Variants in ZNF362 observed in about 807,000 individuals in gnomAD.
ZNF362 encodes the protein zinc finger protein 362, also known as rotund homolog.
Under a neutral mutation model 42.9 loss-of-function variants are expected in ZNF362, and 11 were observed. The observed-to-expected ratio is 0.26, with a 90% confidence interval of 0.16 to 0.42. ZNF362 has a LOEUF of 0.42. ZNF362 is among the 20% of genes least tolerant of loss of function. The pLI is 1.00. For synonymous variants in ZNF362, 255 were observed against 257.3 expected, an observed-to-expected ratio of 0.99 and a Z score of 0.09; for missense variants, 362 against 576.2, an observed-to-expected ratio of 0.63 and a Z score of 3.81.
the ZNF362 span, among the ~76,000 whole-genome samples, chr1:33,174,979 A>ATG: frequency 1.3e-5 from 2 of 148,938 alleles, no homozygotes; most frequent in Admixed American, 6.7e-5. Context: ...ACACACATAT[A>ATG]CATATATATG....
At chr1:33,175,789 A>G in the ZNF362 span, among the ~76,000 whole-genome samples, 4 of 152,206 alleles carry the variant, frequency 2.6e-5, no homozygotes, top group Non-Finnish European at 5.9e-5. Context: ...TCAAATGCCT[A>G]TAACACAGCA....
the ZNF362 span, among the ~76,000 whole-genome samples, chr1:33,230,368 C>T: frequency 1.3e-5 from 2 of 152,254 alleles, no homozygotes; most frequent in East Asian, 3.9e-4. Context: ...AATCCTCATA[C>T]CCACCCTATG....
At chr1:33,277,480 C>CGGT (rs1645959773) in intron 4 of ZNF362, among the ~76,000 whole-genome samples, 1 of 152,160 alleles carries the variant, frequency 6.6e-6, no homozygotes, top group African/African-American at 2.4e-5. Context: ...AGTGGGGAAC[C>CGGT]ACTGAAGGTT....
At chr1:33,194,888 GAGA>G in the ZNF362 span, 1 of 151,860 alleles carries the variant, frequency 6.6e-6, no homozygotes, top group African/African-American at 2.4e-5. Context: ...GGAAATAGGG[GAGA>G]AGAAGCACCA....
chr1:33,259,504 T>G (rs769028142), intron 1 of ZNF362, among the ~76,000 whole-genome samples: 1 of 152,232 alleles, frequency 6.6e-6, no homozygotes, highest in Non-Finnish European at 1.5e-5. Context: ...TGAGGAGCCA[T>G]TCATTCCTTC....
At chr1:33,134,318 G>C in the ZNF362 span, among the ~76,000 whole-genome samples, 2 of 152,272 alleles carry the variant, frequency 1.3e-5, no homozygotes, top group African/African-American at 4.8e-5. Context: ...CTATCGTGGT[G>C]AAGTGTCTGG....
chr1:33,162,614 C>A, the ZNF362 span, among the ~76,000 whole-genome samples: 1 of 152,130 alleles, frequency 6.6e-6, no homozygotes, highest in South Asian at 2.1e-4. Context: ...GAGATTGCTC[C>A]GTAGAGCTGG....
chr1:33,240,471 A>G, the ZNF362 span, among the ~76,000 whole-genome samples: 6 of 152,238 alleles, frequency 3.9e-5, no homozygotes, highest in South Asian at 2.1e-4. Flanking sequence ...ATACATATAC[A>G]TATATACATA....
chr1:33,272,628 A>C (rs1645912668), intron 2 of ZNF362, among the ~76,000 whole-genome samples: 1 of 151,772 alleles, frequency 6.6e-6, no homozygotes, highest in African/African-American at 2.4e-5. Context: ...TCCTCTGCCC[A>C]TTCTGGTATG....
chr1:33,243,599 T>C, the ZNF362 span, among the ~76,000 whole-genome samples: 1 of 151,342 alleles, frequency 6.6e-6, no homozygotes, highest in Non-Finnish European at 1.5e-5. Context: ...ATGTATTTTC[T>C]TTTCTTTTTT....
the ZNF362 span, among the ~76,000 whole-genome samples, chr1:33,153,338 G>T: frequency 6.6e-6 from 1 of 152,246 alleles, no homozygotes; most frequent in Non-Finnish European, 1.5e-5. Flanking sequence ...GGATGTTGGA[G>T]CACAGTCTGT....
At chr1:33,252,386 ACCAG>A (rs1191669586), upstream of ZNF362, among the ~76,000 whole-genome samples, 13 of 84,568 alleles carry the variant, frequency 1.5e-4, no homozygotes, top group South Asian at 1.3e-3. Flanking sequence ...AACAACAACA[ACCAG>A]AAAAACCATC....
the ZNF362 span, among the ~76,000 whole-genome samples, chr1:33,149,201 G>A: frequency 1.3e-5 from 2 of 152,280 alleles, no homozygotes; most frequent in Non-Finnish European, 2.9e-5. Flanking sequence ...CCCCCAGGCG[G>A]GAATGCAGTG....
At chr1:33,202,529 C>G in the ZNF362 span, among the ~76,000 whole-genome samples, 2 of 147,102 alleles carry the variant, frequency 1.4e-5, no homozygotes, top group African/African-American at 5.0e-5. Context: ...ACCCGGGAGG[C>G]GGGGCTTGCA....
the ZNF362 span, among the ~76,000 whole-genome samples, chr1:33,250,839 AAAG>A: frequency 1.3e-4 from 18 of 136,066 alleles, no homozygotes; most frequent in South Asian, 3.8e-3. Context: ...AAAGAAGAAG[AAAG>A]AAGAAAGAAG....
the ZNF362 span, among the ~76,000 whole-genome samples, chr1:33,227,427 C>T: frequency 6.6e-6 from 1 of 152,256 alleles, no homozygotes; most frequent in African/African-American, 2.4e-5. Flanking sequence ...CAGAACGCAA[C>T]TGCCATGCTA....
At chr1:33,197,481 C>T in the ZNF362 span, among the ~76,000 whole-genome samples, 1 of 152,190 alleles carries the variant, frequency 6.6e-6, no homozygotes, top group Non-Finnish European at 1.5e-5. Flanking sequence ...ACCACTGTCA[C>T]ATATGCGTCC....
Position 33,264,428 on chromosome 1 carries a change from T to C in ZNF362, c.-88-6059T>C, listed in dbSNP as rs545107031. 3.9e-5 allele frequency among the ~76,000 whole-genome samples: 6 copies of C among 152,310 alleles called. No individual in the cohort carries two copies. In the East Asian group the frequency reaches 1.2e-3, roughly 29 times the overall value. ...ATGGCAGCTGACTGTTCAGGAGTCC[T>C]CACTGTGTGTCAGGCAGTGTTCGAA... On this transcript the variant is annotated intron_variant, in intron 1 of 8. Transcript: ENST00000539719.
At chr1:33,141,152 A>G in the ZNF362 span, among the ~76,000 whole-genome samples, 43 of 151,222 alleles carry the variant, frequency 2.8e-4, no homozygotes, top group South Asian at 4.6e-3. Flanking sequence ...TCCTGATTTG[A>G]TCACCCTTTT....
Sources: allele counts gnomAD v4.1 joint callset (sites outside exome capture counted in the v4.1 genomes callset), GRCh38; gene constraint gnomAD v4.1.1; transcripts MANE v1.5; gene names NCBI Gene and HGNC (gene_info 2026-07-23, HGNC 2026-07-21).